Variants in AP2B1 observed in about 807,000 individuals in gnomAD.
The protein encoded by AP2B1 is adaptor related protein complex 2 subunit beta 1.
A neutral mutation model predicts 102.0 loss-of-function variants in AP2B1; 23 were observed. The observed-to-expected ratio is 0.23, with a 90% CI of 0.16 to 0.32. The LOEUF is 0.32. Among genes scored for constraint, AP2B1 ranks in the 10% least tolerant of loss-of-function variants. The pLI is 1.00. For missense variants in AP2B1, 541 were observed against 1,157.4 expected (o/e 0.47, Z 7.73); for synonymous variants, 381 against 421.2 (o/e 0.90, Z 1.17).
At chr17:35,601,340 ATT>A (rs1055848866) in intron 3 of AP2B1, among the ~76,000 whole-genome samples, 77 of 152,164 alleles carry the variant, frequency 5.1e-4, no homozygotes, top group African/African-American at 1.8e-3. Flanking sequence ...TTATTTATTT[ATT>A]GTTTTGAGAT....
At chr17:35,630,267 T>C (rs139608271) in intron 9 of AP2B1, among the ~76,000 whole-genome samples, 148 of 152,376 alleles carry the variant, frequency 9.7e-4, no homozygotes, top group Non-Finnish European at 1.9e-3. Flanking sequence ...CTGGTTCTGC[T>C]AGCTCACTTG....
intron 3 of AP2B1, among the ~76,000 whole-genome samples, chr17:35,601,800 C>A (rs959227473): frequency 6.7e-6 from 1 of 149,222 alleles, no homozygotes; most frequent in Non-Finnish European, 1.5e-5. Context: ...TTTTTGAGAC[C>A]GAGTTTTGCT....
intron 14 of AP2B1, among the ~76,000 whole-genome samples, chr17:35,662,528 G>GTTTTTTTTTTTTTTTTTT (rs200042072): frequency 1.0e-5 from 1 of 100,236 alleles, no homozygotes; most frequent in African/African-American, 3.6e-5. Flanking sequence ...TTGGGTTTGG[G>GTTTTTTTTTTTTTTTTTT]TTTGTTTTTT....
intron 20 of AP2B1, among the ~76,000 whole-genome samples, chr17:35,714,828 C>T (rs2076520465): frequency 6.6e-6 from 1 of 152,140 alleles, no homozygotes; most frequent in African/African-American, 2.4e-5. Context: ...TGTCTTATGC[C>T]TCAGATGATA....
At chr17:35,605,900 A>T in intron 4 of AP2B1, 60 bp downstream of exon 4, 1 of 1,577,724 alleles carries the variant, frequency 6.3e-7, no homozygotes, top group Non-Finnish European at 8.6e-7. Context: ...ACCTCTGTTC[A>T]CAAGGAAGGA....
chr17:35,715,183 G>C (rs1327900905), intron 20 of AP2B1, among the ~76,000 whole-genome samples: 1 of 152,162 alleles, frequency 6.6e-6, no homozygotes, highest in Non-Finnish European at 1.5e-5. Context: ...CATTCATTAG[G>C]AACAGAGTCA....
chr17:35,685,237 A>G (rs1448653329), intron 18 of AP2B1, among the ~76,000 whole-genome samples: 1 of 152,230 alleles, frequency 6.6e-6, no homozygotes, highest in African/African-American at 2.4e-5. Flanking sequence ...GAAAAGAGAA[A>G]AACTTTTTCC....
intron 17 of AP2B1, among the ~76,000 whole-genome samples, chr17:35,679,816 C>T (rs763200328): frequency 5.3e-5 from 8 of 151,796 alleles, no homozygotes; most frequent in Non-Finnish European, 1.0e-4. Flanking sequence ...GATGTGAATT[C>T]TCAAGATCAT....
intron 5 of AP2B1, chr17:35,621,359 GC>G (rs2074172010): frequency 1.0e-6 from 1 of 984,138 alleles, no homozygotes; most frequent in Non-Finnish European, 1.2e-6. Flanking sequence ...TGAGAGTGCT[GC>G]CTGGTGAGCC....
chr17:35,703,600 G>C (rs948652094), intron 18 of AP2B1, among the ~76,000 whole-genome samples: 1 of 152,170 alleles, frequency 6.6e-6, no homozygotes, highest in East Asian at 1.9e-4. Flanking sequence ...AATACCACAT[G>C]TTCTGACTTG....
chr17:35,647,295 A>G (rs1286712354), intron 12 of AP2B1, among the ~76,000 whole-genome samples: 2 of 152,160 alleles, frequency 1.3e-5, no homozygotes, highest in African/African-American at 4.8e-5. Flanking sequence ...TTTGTTTTAT[A>G]ATGTTCAAGC....
Position 35,651,079 on chromosome 17 carries a change from T to C in AP2B1, c.1796+290T>C, listed in dbSNP as rs141310757. On this transcript the variant is annotated intron_variant, in intron 13 of 21. Coordinates refer to ENST00000610402, the MANE Select transcript of AP2B1 (RefSeq NM_001030006.2). ...AAAATTGTGGTGAAGACCTTCTAAA[T>C]TGATAAAGTCTGAAAGTTGCTTAAG... 3.1e-3 allele frequency: 909 copies of C among 294,480 alleles called. 10 individuals are homozygous for C. The highest frequency in any genetic ancestry group is 0.018 in the African/African-American group (851 of 46,364). 18.2% of individuals were successfully genotyped at this position (294,480 alleles called of 1,614,324 possible).
intron 18 of AP2B1, among the ~76,000 whole-genome samples, chr17:35,693,523 G>A (rs1249585917): frequency 6.6e-6 from 1 of 151,914 alleles, no homozygotes; most frequent in Non-Finnish European, 1.5e-5. Flanking sequence ...TTTATGGAAA[G>A]GCATTTATAT....
chr17:35,595,817 A>G (rs1387600752), intron 2 of AP2B1, among the ~76,000 whole-genome samples: 1 of 151,634 alleles, frequency 6.6e-6, no homozygotes, highest in Non-Finnish European at 1.5e-5. Flanking sequence ...GCTTTTTCTG[A>G]TTTTCTTTTG....
chr17:35,626,877 G>A (rs749194267), intron 7 of AP2B1, 35 bp downstream of exon 7: 2 of 1,578,944 alleles, frequency 1.3e-6, no homozygotes, highest in Non-Finnish European at 1.7e-6. Flanking sequence ...TAAAGTGTTT[G>A]TAATTTTGCA....
chr17:35,603,134 A>G (rs1367528344), intron 3 of AP2B1, among the ~76,000 whole-genome samples: 1 of 152,174 alleles, frequency 6.6e-6, no homozygotes, highest in African/African-American at 2.4e-5. Context: ...AATAATTTCT[A>G]CTTCTGTACC....
intron 19 of AP2B1, among the ~76,000 whole-genome samples, chr17:35,709,946 A>C (rs1377960737): frequency 6.6e-6 from 1 of 152,234 alleles, no homozygotes; most frequent in Non-Finnish European, 1.5e-5. Flanking sequence ...TTATAGATAA[A>C]GAAATTAAGG....
rs116737986 is a variant in AP2B1, at chr17:35,685,339, G to A, written c.2454+2515G>A. On this transcript the variant is annotated intron_variant, in intron 18 of 21. Transcript: ENST00000610402. ...GATGTGTAGGGTACTTTAGATTTCAGCTTCCATTCTGCCCTTTTCCCCGTA... is the reference window on the plus strand; with the variant it reads ...GATGTGTAGGGTACTTTAGATTTCAACTTCCATTCTGCCCTTTTCCCCGTA... Among the ~76,000 whole-genome samples, 338 of 152,296 alleles carry A rather than the reference G, an allele frequency of 2.2e-3. 1 individual carries two copies. Among genetic ancestry groups the A allele is most frequent in the African/African-American group, 7.9e-3 (330 of 41,566 alleles).
intron 13 of AP2B1, among the ~76,000 whole-genome samples, chr17:35,657,119 C>T (rs2075248752): frequency 6.6e-6 from 1 of 152,138 alleles, no homozygotes; most frequent in African/African-American, 2.4e-5. Flanking sequence ...TTAGAATCAG[C>T]ACCGTTGATT....
Sources: gnomAD v4.1 joint callset for allele counts (sites outside exome capture counted in the v4.1 genomes callset) on GRCh38, gnomAD v4.1.1 for gene constraint, MANE v1.5 for transcripts, NCBI Gene and HGNC (gene_info 2026-07-23, HGNC 2026-07-21) for gene names.